The following CDH12 variants were observed in gnomAD, a reference collection of about 807,000 sequenced individuals.
CDH12 encodes the protein cadherin-12.
Under a neutral mutation model 74.1 loss-of-function variants are expected in CDH12, and 41 were observed. The ratio of observed to expected loss-of-function variants is 0.55; its 90% CI spans 0.43 to 0.72. The LOEUF (loss-of-function observed/expected upper bound fraction) is 0.72. CDH12 is among the 30% of genes least tolerant of loss of function. The probability of loss-of-function intolerance (pLI) is 0.00; values close to 1 mark genes in which losing one functional copy is unlikely to be tolerated. For missense variants in CDH12, 945 were observed against 977.2 expected, an observed-to-expected ratio of 0.97 and a Z score of 0.44; for synonymous variants, 399 against 355.0, an observed-to-expected ratio of 1.12 and a Z score of -1.39.
chr5:22,649,196 T>A (rs1200694629), intron 1 of CDH12, among the ~76,000 whole-genome samples: 1 of 152,006 alleles, frequency 6.6e-6, no homozygotes, highest in Non-Finnish European at 1.5e-5. Flanking sequence ...CTGCCTGAAA[T>A]GTACCAGGCA....
intron 2 of CDH12, among the ~76,000 whole-genome samples, chr5:22,463,758 T>C (rs1036116231): frequency 9.9e-5 from 15 of 152,182 alleles, no homozygotes; most frequent in South Asian, 4.1e-4. Context: ...AAATGTTATT[T>C]ATCCCCTTTA....
chr5:22,843,823 T>G (rs1448897233), intron 1 of CDH12, among the ~76,000 whole-genome samples: 2 of 152,046 alleles, frequency 1.3e-5, no homozygotes, highest in Admixed American at 6.6e-5. Context: ...AGAAAGCAAT[T>G]ATCATGTTGG....
intron 1 of CDH12, among the ~76,000 whole-genome samples, chr5:22,735,165 C>G (rs575675821): frequency 6.6e-6 from 1 of 151,958 alleles, no homozygotes; most frequent in Admixed American, 6.6e-5. Context: ...TGCCACCTAT[C>G]GCAACTACCT....
chr5:22,386,273 AG>A (rs1379263933), intron 3 of CDH12, among the ~76,000 whole-genome samples: 2 of 152,178 alleles, frequency 1.3e-5, no homozygotes, highest in African/African-American at 4.8e-5. Flanking sequence ...CCCATGATCC[AG>A]TCATCTCCCA....
intron 4 of CDH12, among the ~76,000 whole-genome samples, chr5:22,126,800 C>A (rs1027483746): frequency 2.0e-5 from 3 of 152,128 alleles, no homozygotes; most frequent in African/African-American, 7.2e-5. Flanking sequence ...TGGTTACAGG[C>A]CTTGCAACCT....
intron 1 of CDH12, among the ~76,000 whole-genome samples, chr5:22,779,154 C>G (rs1480594082): frequency 6.6e-6 from 1 of 151,704 alleles, no homozygotes; most frequent in East Asian, 1.9e-4. Flanking sequence ...TTTTCTCTAC[C>G]TTGGGATCTA....
chr5:22,714,399 C>T (rs1293497239), intron 1 of CDH12, among the ~76,000 whole-genome samples: 3 of 152,160 alleles, frequency 2.0e-5, no homozygotes, highest in African/African-American at 7.2e-5. Flanking sequence ...GCTAGTATAA[C>T]TCTTTTCATT....
intron 1 of CDH12, among the ~76,000 whole-genome samples, chr5:22,745,638 GC>G (rs1447796254): frequency 6.6e-6 from 1 of 152,134 alleles, no homozygotes; most frequent in African/African-American, 2.4e-5. Context: ...GGAGCTGGAG[GC>G]CATTATCCTT....
intron 1 of CDH12, among the ~76,000 whole-genome samples, chr5:22,827,980 T>A (rs1736417730): frequency 6.6e-6 from 1 of 152,136 alleles, no homozygotes; most frequent in South Asian, 2.1e-4. Flanking sequence ...ATTTAAAAAG[T>A]AAAATAATAT....
intron 6 of CDH12, among the ~76,000 whole-genome samples, chr5:21,912,621 C>A (rs891346376): frequency 2.0e-5 from 3 of 152,090 alleles, no homozygotes; most frequent in Non-Finnish European, 2.9e-5. Context: ...AGGAAGAATG[C>A]CTTGAAGGCA....
chr5:22,616,977 G>A (rs1737722401), intron 1 of CDH12, among the ~76,000 whole-genome samples: 1 of 152,068 alleles, frequency 6.6e-6, no homozygotes, highest in South Asian at 2.1e-4. Context: ...TAATCCTCCT[G>A]CCTCAACTTC....
intron 2 of CDH12, among the ~76,000 whole-genome samples, chr5:22,424,120 AAATTT>A (rs574587453): frequency 1.2e-3 from 188 of 151,920 alleles, no homozygotes; most frequent in African/African-American, 4.4e-3. Flanking sequence ...ATTTAAATTT[AAATTT>A]AAATGTCCAG....
Position 22,329,107 on chromosome 5 carries a change from A to G in CDH12, c.-333+76150T>C, listed in dbSNP as rs1242920016. Among the ~76,000 whole-genome samples, 3 of 152,224 alleles carry G rather than the reference A, an allele frequency of 2.0e-5. No individual in the cohort carries two copies. The East Asian group carries it at 5.8e-4, about 29-fold the overall frequency. On this transcript the variant is annotated intron_variant, in intron 3 of 14. Coordinates refer to ENST00000382254, the MANE Select transcript of CDH12 (RefSeq NM_004061.5). ...GGCTCAGTGAATTAACATTCAATTAAGAATGATGAAATTGACCCTGATAAA... is the reference window on the plus strand; with the variant it reads ...GGCTCAGTGAATTAACATTCAATTAGGAATGATGAAATTGACCCTGATAAA...
In CDH12 at chr5:21,760,485, T is replaced by G. The variant is rs952338016; in HGVS notation, c.1633+73A>C. On this transcript the variant is annotated intron_variant, in intron 13 of 14. Coordinates refer to ENST00000382254, the MANE Select transcript of CDH12 (RefSeq NM_004061.5). Reference sequence around the variant, plus strand: ...TGAAATTAAGTGCTTCAAAGAAAAGTATTGATTCCTCCCTTTGTGCCTTTT... The same window carrying G: ...TGAAATTAAGTGCTTCAAAGAAAAGGATTGATTCCTCCCTTTGTGCCTTTT... 3 of 755,626 alleles carry G rather than the reference T, an allele frequency of 4.0e-6. No individual in the cohort carries two copies. The South Asian group carries it at 4.5e-5, about 11-fold the overall frequency. The allele number at this position is 755,626 out of a possible 1,614,324, so 46.8% of individuals were successfully genotyped here.
At chr5:21,773,227 GAGTGT>G (rs1271069215) in intron 11 of CDH12, among the ~76,000 whole-genome samples, 3 of 152,126 alleles carry the variant, frequency 2.0e-5, no homozygotes, top group African/African-American at 7.2e-5. Flanking sequence ...TGGTTAATTT[GAGTGT>G]CAACTTGATT....
chr5:21,764,888 A>G, intron 12 of CDH12, 90 bp downstream of exon 12: 1 of 1,193,160 alleles, frequency 8.4e-7, no homozygotes, highest in Admixed American at 2.1e-5. Context: ...AAAAACAAAT[A>G]TATGTGTGCA....
chr5:21,936,814 T>G (rs1373580786), intron 6 of CDH12, among the ~76,000 whole-genome samples: 1 of 152,020 alleles, frequency 6.6e-6, no homozygotes. Flanking sequence ...TCTCAGGAGA[T>G]CTGATGGTTT....
chr5:22,406,055 A>G (rs1742926179), intron 2 of CDH12, among the ~76,000 whole-genome samples: 1 of 152,198 alleles, frequency 6.6e-6, no homozygotes, highest in Admixed American at 6.5e-5. Context: ...TATTCAGTCT[A>G]TGATTAAATA....
At chr5:22,820,484 G>A (rs1463786713) in intron 1 of CDH12, among the ~76,000 whole-genome samples, 14 of 151,960 alleles carry the variant, frequency 9.2e-5, no homozygotes, top group South Asian at 8.3e-4. Flanking sequence ...TCGATAGACC[G>A]CTAGCAAGAC....
Sources: allele counts gnomAD v4.1 joint callset (sites outside exome capture counted in the v4.1 genomes callset), GRCh38; gene constraint gnomAD v4.1.1; transcripts MANE v1.5; gene names NCBI Gene and HGNC (gene_info 2026-07-23, HGNC 2026-07-21).